Variants in SIGLEC8 observed in about 807,000 individuals in gnomAD.
SIGLEC8 encodes sialic acid-binding Ig-like lectin 8.
In SIGLEC8, 32 loss-of-function variants were observed where a neutral mutation model predicts 42.1. The observed-to-expected ratio is 0.76, with a 90% CI of 0.57 to 1.02. The LOEUF is 1.02. Among genes scored for constraint, SIGLEC8 ranks in the 50% least tolerant of loss-of-function variants. SIGLEC8 has a pLI of 0.00. For synonymous variants in SIGLEC8, 262 were observed against 260.3 expected (o/e 1.01, Z -0.06); for missense variants, 611 against 610.2 (o/e 1.00, Z -0.01).
Position 51,455,683 on chromosome 19 carries a change from G to A in SIGLEC8, c.786C>T (p.Ser262=). The change falls in exon 4 of 7, where the codon TCC becomes TCT. Residue 262 remains serine (S), a synonymous_variant. Transcript: ENST00000321424. The part of the protein sequence containing the change: ...MTVFQGDATA[S]TALGNGSSLS... ...GAGATGAGCCATTTCCCAGGGCTGTGGATGCTGCAGAGAAAGAGACAGAGG... is the reference window on the plus strand; with the variant it reads ...GAGATGAGCCATTTCCCAGGGCTGTAGATGCTGCAGAGAAAGAGACAGAGG... 6.2e-7 allele frequency: 1 copy of A among 1,612,870 alleles called. No individual in the cohort carries two copies. The highest frequency in any genetic ancestry group is 8.5e-7 in the Non-Finnish European group (1 of 1,179,590).
chr19:51,455,825 C>A, intron 3 of SIGLEC8, 138 bp from the exon 4 acceptor site: 1 of 745,664 alleles, frequency 1.3e-6, no homozygotes, highest in Non-Finnish European at 2.1e-6. Context: ...GGAACCAGCC[C>A]AAATGTCCAA....
In SIGLEC8 at chr19:51,454,857, G is replaced by T; in HGVS notation, c.1052-77C>A. ...CTCTTCCCCTCCCACTGTCTGCAGGGCCCTAGACTTCCATTCCCCTCTTCT... is the reference window on the plus strand; with the variant it reads ...CTCTTCCCCTCCCACTGTCTGCAGGTCCCTAGACTTCCATTCCCCTCTTCT... On this transcript the variant is annotated intron_variant, in intron 4 of 6. Coordinates refer to ENST00000321424, the MANE Select transcript of SIGLEC8 (RefSeq NM_014442.3). This position sits in a 1 kb window ranked among gnomAD's most constrained non-coding sequence, Gnocchi z 4.7. The T allele has an allele frequency of 2.0e-6, 2 of 1,012,888 alleles. No individual in the cohort carries two copies. Among genetic ancestry groups the T allele is most frequent in the Non-Finnish European group, 3.1e-6 (2 of 643,422 alleles). The allele number at this position is 1,012,888 out of a possible 1,614,324, so 62.7% of individuals were successfully genotyped here. A position where few individuals can be genotyped will look rare whatever the true frequency, so the allele number is the denominator to read the frequency against.
Position 51,458,120 on chromosome 19 carries a change from C to T in SIGLEC8, c.268G>A (p.Ala90Thr). 6.2e-7 allele frequency: 1 copy of T among 1,614,146 alleles called. No individual in the cohort carries two copies. The change falls in exon 1 of 7, where the codon GCA becomes ACA. Residue 90 changes from alanine (A) to threonine (T), a missense_variant. Coordinates refer to ENST00000321424, the MANE Select transcript of SIGLEC8 (RefSeq NM_014442.3). Reference sequence around the variant, plus strand: ...AGTTGGAATCGGCCCTGGGTCTCTGCCTGCACTTCTCTGTCTGGGTTGTTT... The same window carrying T: ...AGTTGGAATCGGCCCTGGGTCTCTGTCTGCACTTCTCTGTCTGGGTTGTTT... ...ATNNPDREVQ[A>T]ETQGRFQLLG... is the part of the protein sequence containing the mutation.
rs566786001 is a variant in SIGLEC8 at position 51,457,486 on chromosome 19, G to C, written c.708C>G (p.Thr236=). 6.2e-7 allele frequency: 1 copy of C among 1,613,816 alleles called. No individual in the cohort carries two copies. Among genetic ancestry groups the C allele is most frequent in the African/African-American group, 1.3e-5 (1 of 75,016 alleles). Residue 236 remains threonine, a synonymous_variant, in exon 2 of 7, where the codon ACC becomes ACG. Coordinates refer to ENST00000321424, the MANE Select transcript of SIGLEC8 (RefSeq NM_014442.3). ...VTLPGTGVTT[T]STVRLDVSYP... ...AGGACACATCGAGGCGGACGGTACT[G>C]GTCGTGGTCACACCTGTCCCAGGCA... is the stretch of plus-strand genomic sequence containing the variant.
Position 51,451,613 on chromosome 19 carries a change from G to A in SIGLEC8, c.*766C>T, listed in dbSNP as rs936089827. ...TTAAATTCCAGCCCTGTCCTGAGTA[G>A]CCGAGTGGCCTTGAGAGAGACCCAG... On this transcript the variant is annotated 3_prime_UTR_variant, in exon 7 of 7. Transcript: ENST00000321424. 1.3e-5 allele frequency: 2 copies of A among 152,256 alleles called. No homozygotes were observed. Among genetic ancestry groups the A allele is most frequent in the African/African-American group, 4.8e-5 (2 of 41,476 alleles). The allele number at this position is 152,256 out of a possible 1,614,324, so 9.4% of individuals were successfully genotyped here. A position where few individuals can be genotyped will look rare whatever the true frequency, so the allele number is the denominator to read the frequency against.
Position 51,451,024 on chromosome 19 carries a change from G to A in SIGLEC8, c.*1355C>T, listed in dbSNP as rs183708. 58,170 of 152,064 alleles carry A rather than the reference G, an allele frequency of 0.38. 13,536 individuals are homozygous for A. The highest frequency in any genetic ancestry group is 0.65 in the African/African-American group (26,803 of 41,436). 9.4% of individuals were successfully genotyped at this position (152,064 alleles called of 1,614,324 possible). A position where few individuals can be genotyped will look rare whatever the true frequency, so the allele number is the denominator to read the frequency against. On this transcript the variant is annotated 3_prime_UTR_variant, in exon 7 of 7. Transcript: ENST00000321424. ...ATTTATAAATGAAAGAGGTGTAATT[G>A]ACTCACAGTTCCACATGGCGGGGGA... is the stretch of plus-strand genomic sequence containing the variant.
At position 51,454,438 on chromosome 19, in the gene SIGLEC8, C is replaced by T; in HGVS notation, c.1149-123G>A. 6.4e-7 allele frequency: 1 copy of T among 1,554,846 alleles called. No individual in the cohort carries two copies. Reference sequence around the variant, plus strand: ...GTGACCGAGGCGCAACGGCGGTGGTCCAGTTCCAGAGACCCCAACGGTGAA... The same window carrying T: ...GTGACCGAGGCGCAACGGCGGTGGTTCAGTTCCAGAGACCCCAACGGTGAA... On this transcript the variant is annotated intron_variant, in intron 5 of 6. Coordinates refer to ENST00000321424, the MANE Select transcript of SIGLEC8 (RefSeq NM_014442.3). This position sits in a 1 kb window ranked among gnomAD's most constrained non-coding sequence, Gnocchi z 4.7.
chr19:51,456,046 A>T (rs1234371074), intron 3 of SIGLEC8, among the ~76,000 whole-genome samples: 1 of 139,942 alleles, frequency 7.1e-6, no homozygotes, highest in East Asian at 2.3e-4. Context: ...GGACACAGGA[A>T]GGGGAACATC....
Position 51,454,556 on chromosome 19 carries a change from C to T in SIGLEC8, c.1148+128G>A. ...GGACGCTCGTGAAATGCTCACCGTG[C>T]ACCCGTGAGCTCATTCTTGCCCCAA... On this transcript the variant is annotated intron_variant, in intron 5 of 6. Coordinates refer to ENST00000321424, the MANE Select transcript of SIGLEC8 (RefSeq NM_014442.3). This position sits in a 1 kb window ranked among gnomAD's most constrained non-coding sequence, Gnocchi z 4.7. The T allele has an allele frequency of 2.0e-6, 2 of 1,007,902 alleles. No individual in the cohort carries two copies. Among genetic ancestry groups the T allele is most frequent in the Non-Finnish European group, 3.0e-6 (2 of 663,946 alleles). 62.4% of individuals were successfully genotyped at this position (1,007,902 alleles called of 1,614,324 possible).
intron 4 of SIGLEC8, among the ~76,000 whole-genome samples, 157 bp downstream of exon 4, chr19:51,455,261 G>A (rs149481116): frequency 0.012 from 1,793 of 152,202 alleles, 29 homozygotes; most frequent in African/African-American, 0.04. Context: ...CTTTCCTGGC[G>A]GGGAGAGGAC....
At position 51,457,585 on chromosome 19, in the gene SIGLEC8, A is replaced by T; in HGVS notation, c.609T>A (p.Thr203=). 1 of 1,613,700 alleles carries T rather than the reference A, an allele frequency of 6.2e-7. No homozygotes were observed. Among genetic ancestry groups the T allele is most frequent in the Non-Finnish European group, 8.5e-7 (1 of 1,179,794 alleles). Reference sequence around the variant, plus strand: ...TAAGGGTGAGCACTGAGGAGCGGGCAGTAGTGGGGCCCGGGGAGGACACGG... The same window carrying T: ...TAAGGGTGAGCACTGAGGAGCGGGCTGTAGTGGGGCCCGGGGAGGACACGG... The part of the protein sequence containing the change: ...GASVSSPGPT[T]ARSSVLTLTP... The change falls in exon 2 of 7, where the codon ACT becomes ACA. Residue 203 remains threonine (T), a synonymous_variant. Transcript: ENST00000321424.
chr19:51,454,772 T>C lies in SIGLEC8; in HGVS notation c.1060A>G (p.Arg354Gly). The C allele has an allele frequency of 6.2e-7, 1 of 1,613,624 alleles. No individual in the cohort carries two copies. Among genetic ancestry groups the C allele is most frequent in the Non-Finnish European group, 8.5e-7 (1 of 1,179,660 alleles). The stretch of plus-strand genomic sequence containing the variant: ...GCCAGTGTCACTTGTGATACAGGTC[T>C]TGAGGTGCCTGCAGATGGATTGGAG... ...SLQNEGTGTS[R>G]PVSQVTLAAV... is the part of the protein sequence containing the mutation. The change falls in exon 5 of 7, where the codon AGA becomes GGA. Residue 354 changes from arginine to glycine, a missense_variant. By Grantham distance (125) the Arg-to-Gly change is moderately radical. Coordinates refer to ENST00000321424, the MANE Select transcript of SIGLEC8 (RefSeq NM_014442.3). This position sits in a 1 kb window ranked among gnomAD's most constrained non-coding sequence, Gnocchi z 4.7.
chr19:51,454,471 G>A lies in SIGLEC8; in HGVS notation c.1149-156C>T, dbSNP rs1171483534. ...AGAGACCCCAACGGTGAAAACAGAG[G>A]CTCCTGCCTCATGGATGGTGGGGCC... On this transcript the variant is annotated intron_variant, in intron 5 of 6. Coordinates refer to ENST00000321424, the MANE Select transcript of SIGLEC8 (RefSeq NM_014442.3). This position sits in a 1 kb window ranked among gnomAD's most constrained non-coding sequence, Gnocchi z 4.7. 3.3e-5 allele frequency among the ~76,000 whole-genome samples: 5 copies of A among 152,182 alleles called. No individual in the cohort carries two copies. The highest frequency in any genetic ancestry group is 9.7e-5 in the African/African-American group (4 of 41,438).
rs752683839 is a variant in SIGLEC8 at position 51,452,609 on chromosome 19, C to T, written c.1270G>A (p.Asp424Asn). ...SQGPLTESWK[D>N]GNPLKKPPPA... ...GGAGGCTTCTTCAGGGGGTTGCCAT[C>T]TTTCCAGGATTCAGTCAGGGGTCCC... Residue 424 changes from aspartate to asparagine, a missense_variant, in exon 7 of 7, where the codon GAT becomes AAT. Transcript: ENST00000321424. The T allele has an allele frequency of 6.4e-7, 1 of 1,550,482 alleles. No homozygotes were observed. Among genetic ancestry groups the T allele is most frequent in the East Asian group, 2.3e-5 (1 of 43,904 alleles).
At chr19:51,455,831 T>C in intron 3 of SIGLEC8, 144 bp from the exon 4 acceptor site, 1 of 714,066 alleles carries the variant, frequency 1.4e-6, no homozygotes, top group Non-Finnish European at 2.2e-6. Context: ...AGCCCAAATG[T>C]CCAACAATGA....
rs750215585 is a variant in SIGLEC8, at chr19:51,452,446, CG to C, written c.1432del (p.Arg478GlufsTer10). 1.1e-5 allele frequency: 18 copies of C among 1,612,748 alleles called. No homozygotes were observed. In the African/African-American group the frequency reaches 2.4e-4, roughly 22 times the overall value. On this transcript the variant is annotated frameshift_variant, in exon 7 of 7. Coordinates refer to ENST00000321424, the MANE Select transcript of SIGLEC8 (RefSeq NM_014442.3). LOFTEE classifies it low-confidence loss of function (END_TRUNC). Reference protein sequence around the residue: ...SEYSEIKIHKRETAETQACLR... With the variant: ...SEYSEIKIHKXETAETQACLR... Reference sequence around the variant, plus strand: ...ACAGGCCTGAGTCTCTGCAGTTTCTCGCTTGTGGATCTTGATCTCCGAGTAT... The same window carrying C: ...ACAGGCCTGAGTCTCTGCAGTTTCTCCTTGTGGATCTTGATCTCCGAGTAT...
intron 6 of SIGLEC8, chr19:51,453,981 A>G (rs889012253): frequency 4.1e-6 from 4 of 985,186 alleles, no homozygotes; most frequent in Non-Finnish European, 4.8e-6. Flanking sequence ...GGGGCTATAG[A>G]GAAGAAAAGG....
intron 1 of SIGLEC8, 94 bp from the exon 2 acceptor site, chr19:51,457,833 G>T (rs533260302): frequency 3.9e-6 from 6 of 1,545,586 alleles, no homozygotes; most frequent in Non-Finnish European, 5.3e-6. Flanking sequence ...CCCGGAGACC[G>T]ACTTATTTCA....
At position 51,456,693 on chromosome 19, in the gene SIGLEC8, A is replaced by ACGTC. The variant is rs111226591; in HGVS notation, c.781+490_781+491insGACG. ...CAAACCAAGACTCAGGGCAGCCTGG[A>ACGTC]CGGACGCTGGTCAGTTCCGTGGAGG... On this transcript the variant is annotated intron_variant, in intron 3 of 6. Transcript: ENST00000321424. Among the ~76,000 whole-genome samples, 629 of 152,290 alleles carry ACGTC rather than the reference A, an allele frequency of 4.1e-3. 3 individuals are homozygous for ACGTC. The highest frequency in any genetic ancestry group is 0.015 in the African/African-American group (605 of 41,548).
Sources: allele counts gnomAD v4.1 joint callset (sites outside exome capture counted in the v4.1 genomes callset), GRCh38; gene constraint gnomAD v4.1.1; non-coding constraint Gnocchi (gnomAD v3.1); transcripts MANE v1.5; gene names NCBI Gene and HGNC (gene_info 2026-07-23, HGNC 2026-07-21).